Variants in SKAP1 observed in about 807,000 individuals in gnomAD.
The protein encoded by SKAP1 is src kinase-associated phosphoprotein 1.
Under a neutral mutation model 58.5 loss-of-function variants are expected in SKAP1, and 44 were observed. The ratio of observed to expected loss-of-function variants is 0.75; its 90% confidence interval spans 0.59 to 0.97. The LOEUF is 0.97. SKAP1 is among the 50% of genes least tolerant of loss of function. The probability of loss-of-function intolerance (pLI) is 0.00; values close to 1 mark genes in which losing one functional copy is unlikely to be tolerated. For missense variants in SKAP1, 390 were observed against 435.2 expected (o/e 0.90, Z 0.92); for synonymous variants, 127 against 149.7 (o/e 0.85, Z 1.11).
chr17:48,429,166 A>T (rs1002103368), intron 1 of SKAP1, among the ~76,000 whole-genome samples: 4 of 152,234 alleles, frequency 2.6e-5, no homozygotes, highest in African/African-American at 9.6e-5. Context: ...AGATGCCAAA[A>T]GGCTTAATTC....
rs527869458 is a variant in SKAP1, at chr17:48,408,118, T to C, written c.47-11333A>G. On this transcript the variant is annotated intron_variant, in intron 1 of 12. Transcript: ENST00000336915. The stretch of plus-strand genomic sequence containing the variant: ...ATTTCTTTCTTTGTACTTTTATATA[T>C]AATTTAAGTTTTGTGATAACAAGAA... Among the ~76,000 whole-genome samples the C allele has an allele frequency of 9.8e-5, 15 of 152,302 alleles. No homozygotes were observed. The South Asian group carries it at 2.5e-3, about 25-fold the overall frequency.
intron 2 of SKAP1, among the ~76,000 whole-genome samples, chr17:48,380,676 C>G (rs1301496156): frequency 6.6e-6 from 1 of 152,110 alleles, no homozygotes; most frequent in Non-Finnish European, 1.5e-5. Context: ...CAGATATTTA[C>G]CAGTGGTTGC....
chr17:48,298,163 A>T (rs2066006450), intron 4 of SKAP1, among the ~76,000 whole-genome samples: 1 of 152,186 alleles, frequency 6.6e-6, no homozygotes, highest in South Asian at 2.1e-4. Context: ...TTAAATATTT[A>T]TTGGAAATGA....
intron 2 of SKAP1, among the ~76,000 whole-genome samples, chr17:48,386,286 A>G (rs1312793179): frequency 1.3e-5 from 2 of 148,780 alleles, no homozygotes; most frequent in Non-Finnish European, 3.0e-5. Context: ...CTCATGCAAC[A>G]TGCCAGCACC....
intron 4 of SKAP1, among the ~76,000 whole-genome samples, chr17:48,289,436 T>G (rs922206449): frequency 1.3e-5 from 2 of 152,116 alleles, no homozygotes; most frequent in Admixed American, 1.3e-4. Flanking sequence ...TAAATAGAAA[T>G]AGGTAAAATT....
chr17:48,257,628 CTTT>C (rs56225931), intron 4 of SKAP1, among the ~76,000 whole-genome samples: 1 of 111,148 alleles, frequency 9.0e-6, no homozygotes, highest in Non-Finnish European at 1.8e-5. Context: ...TTCTTTCTTT[CTTT>C]TTTTTTTTTT....
chr17:48,306,184 C>A (rs551759736), intron 4 of SKAP1, among the ~76,000 whole-genome samples: 1 of 152,146 alleles, frequency 6.6e-6, no homozygotes, highest in Non-Finnish European at 1.5e-5. Flanking sequence ...TGTATAGAGA[C>A]CCCAGGATCT....
At chr17:48,213,653 C>A (rs567692878) in intron 4 of SKAP1, among the ~76,000 whole-genome samples, 1 of 152,136 alleles carries the variant, frequency 6.6e-6, no homozygotes, top group East Asian at 1.9e-4. Flanking sequence ...CACATTCTGC[C>A]TCCTATTTCC....
At chr17:48,437,282 C>G in the SKAP1 span, among the ~76,000 whole-genome samples, 1 of 152,182 alleles carries the variant, frequency 6.6e-6, no homozygotes, top group Non-Finnish European at 1.5e-5. Context: ...ATCAGAAAGA[C>G]CTGGGTCCCG....
intron 4 of SKAP1, among the ~76,000 whole-genome samples, chr17:48,224,032 GAGA>G (rs2065035515): frequency 9.8e-6 from 1 of 102,212 alleles, no homozygotes; most frequent in Non-Finnish European, 1.9e-5. Context: ...GAGAGAGAGA[GAGA>G]AGAAGGAGGA....
At chr17:48,347,967 C>T (rs1005055904) in intron 3 of SKAP1, among the ~76,000 whole-genome samples, 3 of 152,144 alleles carry the variant, frequency 2.0e-5, no homozygotes, top group Non-Finnish European at 4.4e-5. Context: ...GTAGGATATA[C>T]TGAACATTAT....
At chr17:48,410,853 G>A (rs2067653402) in intron 1 of SKAP1, among the ~76,000 whole-genome samples, 2 of 150,128 alleles carry the variant, frequency 1.3e-5, no homozygotes, top group Middle Eastern at 3.5e-3. Flanking sequence ...CTTGAACCCA[G>A]GAGGTGGAGG....
chr17:48,301,423 TAG>T (rs1162318327), intron 4 of SKAP1, among the ~76,000 whole-genome samples: 1 of 152,168 alleles, frequency 6.6e-6, no homozygotes, highest in Non-Finnish European at 1.5e-5. Flanking sequence ...TTGCACATGG[TAG>T]AGACTCCATG....
chr17:48,363,822 A>G lies in SKAP1; in HGVS notation c.153-8T>C, dbSNP rs1221366578. 6.2e-7 allele frequency: 1 copy of G among 1,605,862 alleles called. No individual in the cohort carries two copies. The highest frequency in any genetic ancestry group is 1.7e-5 in the Admixed American group (1 of 58,560). On this transcript the variant is annotated splice_polypyrimidine_tract_variant and splice_region_variant and intron_variant, in intron 2 of 12. Transcript: ENST00000336915. ...TGAAAATCCCAATAGTACCTGAAAT[A>G]CAAGGGGGAAAAAAAAAGGGAATAA...
At chr17:48,406,184 G>A (rs1407956717) in intron 1 of SKAP1, among the ~76,000 whole-genome samples, 1 of 140,756 alleles carries the variant, frequency 7.1e-6, no homozygotes, top group African/African-American at 2.6e-5. Flanking sequence ...AGAATCGCTT[G>A]AACCTGAGAG....
At chr17:48,266,508 ACTTT>A (rs951166063) in intron 4 of SKAP1, among the ~76,000 whole-genome samples, 1 of 147,536 alleles carries the variant, frequency 6.8e-6, no homozygotes, top group Non-Finnish European at 1.5e-5. Flanking sequence ...TTCTTTTCTT[ACTTT>A]CTTTTTTTTT....
At chr17:48,279,583 GTTTTTTAATGGA>G (rs1269219101) in intron 4 of SKAP1, among the ~76,000 whole-genome samples, 1 of 152,038 alleles carries the variant, frequency 6.6e-6, no homozygotes, top group Non-Finnish European at 1.5e-5. Context: ...CATTTGTCAG[GTTTTTTAATGGA>G]AAAAAATGAA....
At chr17:48,314,704 G>A (rs1168464044) in intron 4 of SKAP1, among the ~76,000 whole-genome samples, 1 of 152,120 alleles carries the variant, frequency 6.6e-6, no homozygotes, top group Non-Finnish European at 1.5e-5. Flanking sequence ...TTTCTAAAAG[G>A]CAGGTAAAAT....
intron 12 of SKAP1, among the ~76,000 whole-genome samples, chr17:48,136,186 T>C (rs564748203): frequency 6.6e-6 from 1 of 152,044 alleles, no homozygotes; most frequent in Non-Finnish European, 1.5e-5. Flanking sequence ...CTTTTTTTTT[T>C]TTCTCAAGAC....
Sources: allele counts gnomAD v4.1 joint callset (sites outside exome capture counted in the v4.1 genomes callset), GRCh38; gene constraint gnomAD v4.1.1; transcripts MANE v1.5; gene names NCBI Gene and HGNC (gene_info 2026-07-23, HGNC 2026-07-21).